CDK15: variants seen among roughly 807,000 people sequenced by gnomAD.
CDK15 encodes cyclin-dependent kinase 15.
Under a neutral mutation model 60.3 loss-of-function variants are expected in CDK15, and 62 were observed. The observed-to-expected ratio is 1.03, with a 90% CI of 0.84 to 1.27. The LOEUF (loss-of-function observed/expected upper bound fraction) is 1.27, where lower values mean the gene tolerates loss of function less well. Among genes scored for constraint, CDK15 ranks in the 50% most tolerant of loss-of-function variants. The pLI, the probability that CDK15 is intolerant of heterozygous loss-of-function variation, is 0.00. For missense variants in CDK15, 541 were observed against 527.8 expected (o/e 1.03, Z -0.25); for synonymous variants, 194 against 195.7 (o/e 0.99, Z 0.07).
chr2:201,879,927 A>G, intron 11 of CDK15, 101 bp from the exon 12 acceptor site: 1 of 1,423,678 alleles, frequency 7.0e-7, no homozygotes, highest in Non-Finnish European at 9.3e-7. Context: ...CTTAAAATCT[A>G]AGTCTAGCCA....
At chr2:201,817,846 G>A (rs59478254) in intron 4 of CDK15, among the ~76,000 whole-genome samples, 16,691 of 152,214 alleles carry the variant, frequency 0.11, 1,384 homozygotes, top group African/African-American at 0.23. Context: ...TATGTGATCA[G>A]CATTACAATT....
chr2:201,827,959 A>G (rs1277782739), intron 6 of CDK15, among the ~76,000 whole-genome samples: 3 of 152,196 alleles, frequency 2.0e-5, no homozygotes, highest in Non-Finnish European at 2.9e-5. Context: ...ATCAAGGTTG[A>G]TATTATGGTA....
At chr2:201,836,057 ATTATATATATTTATAT>A (rs1697029456) in intron 8 of CDK15, among the ~76,000 whole-genome samples, 3 of 6,036 alleles carry the variant, frequency 5.0e-4, no homozygotes, top group Admixed American at 6.3e-3. Flanking sequence ...TTATATATAT[ATTATATATATTTATAT>A]TTATATATAT....
intron 8 of CDK15, 105 bp downstream of exon 8, chr2:201,835,868 ATTTT>A: frequency 1.9e-5 from 9 of 468,298 alleles, no homozygotes; most frequent in Non-Finnish European, 2.6e-5. Context: ...TCACGTATAT[ATTTT>A]TATATATATT....
chr2:201,876,882 C>T (rs1279284595), intron 11 of CDK15, among the ~76,000 whole-genome samples: 6 of 152,158 alleles, frequency 3.9e-5, no homozygotes, highest in African/African-American at 1.2e-4. Flanking sequence ...ACTGCAGCCT[C>T]GACCTCCTGG....
At chr2:201,814,282 T>A (rs756675171) in intron 4 of CDK15, among the ~76,000 whole-genome samples, 2 of 152,226 alleles carry the variant, frequency 1.3e-5, no homozygotes, top group Non-Finnish European at 2.9e-5. Flanking sequence ...GAATTGCCTC[T>A]CCATCACAGG....
chr2:201,812,464 C>A lies in CDK15; in HGVS notation c.369-19C>A. The A allele has an allele frequency of 6.3e-7, 1 of 1,594,512 alleles. No homozygotes were observed. The highest frequency in any genetic ancestry group is 2.2e-5 in the East Asian group (1 of 44,580). On this transcript the variant is annotated intron_variant, in intron 3 of 13. Transcript: ENST00000652192. Reference sequence around the variant, plus strand: ...GAACCACCTCAATAAGTGTGTGCCCCTCAATCCCTCTCTTCTAGAATAAAT... The same window carrying A: ...GAACCACCTCAATAAGTGTGTGCCCATCAATCCCTCTCTTCTAGAATAAAT...
In CDK15 at chr2:201,835,754, T is replaced by C; in HGVS notation, c.842T>C (p.Leu281Pro). The change falls in exon 8 of 14, where the codon CTG becomes CCG. Residue 281 changes from leucine (L) to proline (P), a missense_variant. Coordinates refer to ENST00000652192, the MANE Select transcript of CDK15 (RefSeq NM_001366386.2). ...LLGATEYSSE[L>P]DIWGAGCIFI... is the part of the protein sequence containing the mutation. ...GGAGCCACTGAATATTCCTCTGAGC[T>C]GGACATATGGTAAGAGTGGTGCCGA... 2 of 1,590,094 alleles carry C rather than the reference T, an allele frequency of 1.3e-6. No homozygotes were observed. The highest frequency in any genetic ancestry group is 8.6e-7 in the Non-Finnish European group (1 of 1,164,144).
At chr2:201,871,554 T>C (rs1435964503) in intron 10 of CDK15, among the ~76,000 whole-genome samples, 2 of 152,040 alleles carry the variant, frequency 1.3e-5, no homozygotes, top group Non-Finnish European at 2.9e-5. Flanking sequence ...AATTGTAAGC[T>C]CTGCAGAGGT....
At chr2:201,811,403 G>A (rs1341086309) in intron 3 of CDK15, among the ~76,000 whole-genome samples, 6 of 151,586 alleles carry the variant, frequency 4.0e-5, no homozygotes, top group Non-Finnish European at 4.4e-5. Flanking sequence ...ACCGGCCTTC[G>A]CCTCCCAAAG....
intron 6 of CDK15, among the ~76,000 whole-genome samples, chr2:201,825,817 G>A (rs1282739991): frequency 6.6e-6 from 1 of 152,230 alleles, no homozygotes; most frequent in Non-Finnish European, 1.5e-5. Flanking sequence ...GTGGCATCTA[G>A]TCTGAGTCTA....
Position 201,812,185 on chromosome 2 carries a change from A to AC in CDK15, c.369-298_369-297insC, listed in dbSNP as rs1193989165. Among the ~76,000 whole-genome samples, 386 of 147,834 alleles carry AC rather than the reference A, an allele frequency of 2.6e-3. 2 individuals carry two copies. Among genetic ancestry groups the AC allele is most frequent in the African/African-American group, 8.9e-3 (358 of 40,196 alleles). On this transcript the variant is annotated intron_variant, in intron 3 of 13. Transcript: ENST00000652192. Reference sequence around the variant, plus strand: ...CGAGATTCTGTCTCAAAAAAAAAAAAAAAAAACAAAAAAACAAAAAAACAC... The same window carrying AC: ...CGAGATTCTGTCTCAAAAAAAAAAAACAAAAAACAAAAAAACAAAAAAACAC...
chr2:201,812,642 A>G, intron 4 of CDK15, 80 bp downstream of exon 4: 1 of 794,468 alleles, frequency 1.3e-6, no homozygotes, highest in Non-Finnish European at 2.0e-6. Context: ...TGATCCATTC[A>G]GCATCTAGTT....
At chr2:201,832,566 TG>T (rs1479845082) in intron 6 of CDK15, among the ~76,000 whole-genome samples, 2 of 152,218 alleles carry the variant, frequency 1.3e-5, no homozygotes, top group Non-Finnish European at 2.9e-5. Flanking sequence ...GAGAAAATGC[TG>T]GGAAGATTCA....
At chr2:201,879,577 G>A (rs886490830) in intron 11 of CDK15, among the ~76,000 whole-genome samples, 50 of 152,118 alleles carry the variant, frequency 3.3e-4, no homozygotes, top group Admixed American at 8.5e-4. Context: ...ACAGGGTTTC[G>A]CCATGTTGGC....
chr2:201,817,290 A>G (rs563271858), intron 4 of CDK15, among the ~76,000 whole-genome samples: 1 of 152,214 alleles, frequency 6.6e-6, no homozygotes, highest in Non-Finnish European at 1.5e-5. Flanking sequence ...ACCAGCATCC[A>G]TTAACTTTTT....
chr2:201,846,816 T>C (rs1697691255), intron 8 of CDK15, among the ~76,000 whole-genome samples: 1 of 152,214 alleles, frequency 6.6e-6, no homozygotes, highest in South Asian at 2.1e-4. Context: ...CTGAGTCAAA[T>C]GCTGAATGTG....
intron 11 of CDK15, 25 bp downstream of exon 11, chr2:201,872,351 CTTTAAGGG>C: frequency 7.3e-7 from 1 of 1,361,028 alleles, no homozygotes. Context: ...AGGAAGGGAT[CTTTAAGGG>C]ATCTTTAAGC....
chr2:201,884,147 A>G (rs1699376123), intron 12 of CDK15, among the ~76,000 whole-genome samples: 1 of 152,168 alleles, frequency 6.6e-6, no homozygotes, highest in African/African-American at 2.4e-5. Context: ...TCTGGTCTTT[A>G]AGCCATGGTC....
Sources: allele counts gnomAD v4.1 joint callset (sites outside exome capture counted in the v4.1 genomes callset), GRCh38; gene constraint gnomAD v4.1.1; transcripts MANE v1.5; gene names NCBI Gene and HGNC (gene_info 2026-07-23, HGNC 2026-07-21).